The following C12orf42 variants were observed in gnomAD, a reference collection of about 807,000 sequenced individuals.
The protein encoded by C12orf42 is chromosome 12 open reading frame 42.
Under a neutral mutation model 21.6 loss-of-function variants are expected in C12orf42, and 25 were observed. The ratio of observed to expected loss-of-function variants is 1.16; its 90% CI spans 0.84 to 1.62. C12orf42 has a LOEUF of 1.62. Among genes scored for constraint, C12orf42 ranks in the 40% most tolerant of loss-of-function variants. The pLI, the probability that C12orf42 is intolerant of heterozygous loss-of-function variation, is 0.00. For missense variants in C12orf42, 483 were observed against 459.3 expected (o/e 1.05, Z -0.47); for synonymous variants, 174 against 175.0 (o/e 0.99, Z 0.05).
the C12orf42 span, among the ~76,000 whole-genome samples, chr12:103,175,348 A>G: frequency 6.6e-5 from 10 of 152,320 alleles, no homozygotes; most frequent in South Asian, 2.1e-3. Flanking sequence ...TAAAAACAAA[A>G]TCCATTCACG....
chr12:103,232,705 C>T (rs1232787131), downstream of C12orf42, among the ~76,000 whole-genome samples: 10 of 92,190 alleles, frequency 1.1e-4, no homozygotes, highest in African/African-American at 1.7e-4. Flanking sequence ...AGCTAGACTC[C>T]GTCTCAAAAA....
chr12:103,115,584 C>T, the C12orf42 span, among the ~76,000 whole-genome samples: 103 of 152,290 alleles, frequency 6.8e-4, no homozygotes, highest in African/African-American at 2.3e-3. Context: ...TCTCGTTACC[C>T]ACTTCCCGGA....
At chr12:103,202,573 T>C in the C12orf42 span, among the ~76,000 whole-genome samples, 4 of 152,198 alleles carry the variant, frequency 2.6e-5, no homozygotes, top group Admixed American at 2.6e-4. Context: ...CTCATCCATT[T>C]TTCCCTTTTG....
chr12:103,311,964 C>T (rs2039012655), intron 4 of C12orf42, among the ~76,000 whole-genome samples: 1 of 152,192 alleles, frequency 6.6e-6, no homozygotes, highest in Admixed American at 6.5e-5. Context: ...CATGAATATA[C>T]TAGAGCTATA....
the C12orf42 span, among the ~76,000 whole-genome samples, chr12:103,135,472 A>G: frequency 6.6e-6 from 1 of 151,830 alleles, no homozygotes; most frequent in Non-Finnish European, 1.5e-5. Flanking sequence ...GAAAAAAAGA[A>G]AAAGAAAAAG....
the C12orf42 span, chr12:103,506,105 T>G: frequency 4.6e-6 from 1 of 215,094 alleles, no homozygotes; most frequent in Admixed American, 5.7e-5. Context: ...TTTTCCTAGA[T>G]GATCTTGATG....
the C12orf42 span, among the ~76,000 whole-genome samples, chr12:103,201,328 G>A: frequency 5.2e-3 from 795 of 152,164 alleles, 3 homozygotes; most frequent in African/African-American, 0.018. Flanking sequence ...CCATTTTTTG[G>A]TGCAAGTTTG....
intron 10 of C12orf42, among the ~76,000 whole-genome samples, chr12:103,248,450 A>G (rs1340897547): frequency 6.6e-6 from 1 of 152,078 alleles, no homozygotes; most frequent in African/African-American, 2.4e-5. Context: ...AATCCACTCA[A>G]GTCAAGGCAA....
At chr12:103,067,213 G>T in the C12orf42 span, among the ~76,000 whole-genome samples, 275 of 152,314 alleles carry the variant, frequency 1.8e-3, 1 homozygote, top group African/African-American at 6.3e-3. Context: ...ATATGGGTTT[G>T]CCTATCCTGC....
chr12:103,117,591 A>G, the C12orf42 span, among the ~76,000 whole-genome samples: 1 of 152,204 alleles, frequency 6.6e-6, no homozygotes, highest in Non-Finnish European at 1.5e-5. Flanking sequence ...ACATCAATGC[A>G]GTGAGGGAAG....
At chr12:103,256,597 T>C (rs2034631012) in intron 10 of C12orf42, among the ~76,000 whole-genome samples, 1 of 152,126 alleles carries the variant, frequency 6.6e-6, no homozygotes, top group South Asian at 2.1e-4. Context: ...AAAATAGATT[T>C]TTCTCTCCTA....
intron 2 of C12orf42, among the ~76,000 whole-genome samples, chr12:103,462,096 G>GTTTTGTTTTTTTTTTTTTT (rs1952751977): frequency 3.6e-5 from 1 of 27,724 alleles, no homozygotes; most frequent in African/African-American, 1.4e-4. Context: ...TTTTTGCTTG[G>GTTTTGTTTTTTTTTTTTTT]TTTTTTTTTT....
At chr12:103,333,098 T>C (rs2041387306) in intron 4 of C12orf42, among the ~76,000 whole-genome samples, 1 of 152,218 alleles carries the variant, frequency 6.6e-6, no homozygotes, top group African/African-American at 2.4e-5. Flanking sequence ...ATTCGCCTAA[T>C]AACAGTCTGA....
chr12:103,482,815 C>A (rs1482231149), intron 1 of C12orf42, among the ~76,000 whole-genome samples: 1 of 151,926 alleles, frequency 6.6e-6, no homozygotes, highest in Non-Finnish European at 1.5e-5. Flanking sequence ...TGTCTCCCAT[C>A]TTTCTAGCCA....
the C12orf42 span, among the ~76,000 whole-genome samples, chr12:103,091,623 G>A: frequency 2.0e-5 from 3 of 152,156 alleles, no homozygotes; most frequent in African/African-American, 4.8e-5. Flanking sequence ...GGGATCATTC[G>A]ATTGTCAGCC....
At chr12:103,095,968 T>C in the C12orf42 span, among the ~76,000 whole-genome samples, 4 of 151,908 alleles carry the variant, frequency 2.6e-5, no homozygotes, top group African/African-American at 9.7e-5. Flanking sequence ...ATCACTGGGG[T>C]TGAGGTGGGG....
At chr12:103,402,728 T>C (rs1566247287) in intron 2 of C12orf42, among the ~76,000 whole-genome samples, 1 of 152,122 alleles carries the variant, frequency 6.6e-6, no homozygotes, top group Non-Finnish European at 1.5e-5. Flanking sequence ...ACTTGGGTGA[T>C]GGACTAGAGA....
At chr12:103,198,392 G>A in the C12orf42 span, among the ~76,000 whole-genome samples, 43 of 152,200 alleles carry the variant, frequency 2.8e-4, no homozygotes, top group African/African-American at 7.7e-4. Flanking sequence ...GGGAGAGGCC[G>A]GCAGACAGAT....
At chr12:103,130,939 G>T in the C12orf42 span, among the ~76,000 whole-genome samples, 1 of 152,166 alleles carries the variant, frequency 6.6e-6, no homozygotes, top group Non-Finnish European at 1.5e-5. Flanking sequence ...TCTGGTCCAC[G>T]TATACCCACA....
Sources: gnomAD v4.1 joint callset for allele counts (sites outside exome capture counted in the v4.1 genomes callset) on GRCh38, gnomAD v4.1.1 for gene constraint, MANE v1.5 for transcripts, NCBI Gene and HGNC (gene_info 2026-07-23, HGNC 2026-07-21) for gene names.